Variants in SMTNL2 observed in about 807,000 individuals in gnomAD.
The protein encoded by SMTNL2 is smoothelin like 2.
A neutral mutation model predicts 44.1 loss-of-function variants in SMTNL2; 43 were observed. The observed-to-expected ratio is 0.98, with a 90% confidence interval of 0.76 to 1.26. The LOEUF (loss-of-function observed/expected upper bound fraction) is 1.26, where lower values mean the gene tolerates loss of function less well. Among genes scored for constraint, SMTNL2 ranks in the 50% most tolerant of loss-of-function variants. The pLI, the probability that SMTNL2 is intolerant of heterozygous loss-of-function variation, is 0.00. For synonymous variants in SMTNL2, 317 were observed against 287.6 expected (o/e 1.10, Z -1.03); for missense variants, 646 against 670.2 (o/e 0.96, Z 0.40).
At chr17:4,597,058 G>A (rs1435232584) in intron 6 of SMTNL2, 81 bp downstream of exon 6, 6 of 1,494,300 alleles carry the variant, frequency 4.0e-6, no homozygotes, top group African/African-American at 1.4e-5. Context: ...TTGTTCTCCC[G>A]CCTGGGCAGG....
chr17:4,589,284 C>T (rs189851321), intron 1 of SMTNL2, among the ~76,000 whole-genome samples: 2 of 152,296 alleles, frequency 1.3e-5, no homozygotes. Flanking sequence ...AAAATGGTTT[C>T]ACCCTCAGCC....
Position 4,584,828 on chromosome 17 carries a change from G to T in SMTNL2, c.223G>T (p.Glu75Ter). 1 of 1,327,454 alleles carries T rather than the reference G, an allele frequency of 7.5e-7. No individual in the cohort carries two copies. Among genetic ancestry groups the T allele is most frequent in the Admixed American group, 3.7e-5 (1 of 27,322 alleles). 82.2% of individuals were successfully genotyped at this position (1,327,454 alleles called of 1,614,324 possible). The change falls in exon 1 of 8, where the codon GAG becomes TAG. Residue 75 changes from glutamate (E) to a stop codon, truncating the protein, a stop_gained. Transcript: ENST00000389313. LOFTEE classifies it high-confidence loss of function. ...CAACCAGCGGCTGCAGGCGCAGCTC[G>T]AGCGCCTGACGCGCCAGGTGGAGGC... The part of the protein sequence containing the change: ...RDNQRLQAQL[E>*]RLTRQVEALG...
Position 4,607,243 on chromosome 17 carries a change from T to A in SMTNL2, c.1260-118T>A, listed in dbSNP as rs1910313775. Reference sequence around the variant, plus strand: ...TCTGAATTCCCCGCTGGTGGGTCCTTGGGAACCTCTGGCTGCCGGCTGAGC... The same window carrying A: ...TCTGAATTCCCCGCTGGTGGGTCCTAGGGAACCTCTGGCTGCCGGCTGAGC... On this transcript the variant is annotated intron_variant, in intron 7 of 7. Transcript: ENST00000389313. The surrounding 1 kb of genome is among the most constrained non-coding windows in gnomAD (Gnocchi z 4.7). 2 of 1,522,446 alleles carry A rather than the reference T, an allele frequency of 1.3e-6. No individual in the cohort carries two copies. The highest frequency in any genetic ancestry group is 4.5e-5 in the East Asian group (2 of 44,066). 94.3% of individuals were successfully genotyped at this position (1,522,446 alleles called of 1,614,324 possible).
chr17:4,607,417 G>T lies in SMTNL2; in HGVS notation c.1316G>T (p.Arg439Leu). The change falls in exon 8 of 8, where the codon CGC becomes CTC. Residue 439 changes from arginine (R) to leucine (L), a missense_variant. Arg to Leu is a moderately radical substitution (Grantham distance 102). Coordinates refer to ENST00000389313, the MANE Select transcript of SMTNL2 (RefSeq NM_001114974.2). This position sits in a 1 kb window ranked among gnomAD's most constrained non-coding sequence, Gnocchi z 4.7. ...GTGGAGGACATGATGGTGATGGGCC[G>T]CAAGCCGGACCCCATGTGTGTCTTC... ...IEVEDMMVMGRKPDPMCVFTY... is the reference protein window; with the variant it reads ...IEVEDMMVMGLKPDPMCVFTY... The T allele has an allele frequency of 2.5e-6, 4 of 1,614,208 alleles. No individual in the cohort carries two copies. The highest frequency in any genetic ancestry group is 2.2e-5 in the South Asian group (2 of 91,086).
rs1401549614 is a variant in SMTNL2, at chr17:4,592,431, G to C, written c.470G>C (p.Gly157Ala). ...KTSNSCIMEN[G>A]HQPGAGPGDG... ...TCAAACTCCTGCATCATGGAAAATG[G>C]GCACCAGCCGGGGGCAGGTAGGGCT... The change falls in exon 2 of 8, where the codon GGG becomes GCG. Residue 157 changes from glycine to alanine, a missense_variant. Transcript: ENST00000389313. The surrounding 1 kb of genome is among the most constrained non-coding windows in gnomAD (Gnocchi z 4.5). 1.2e-6 allele frequency: 2 copies of C among 1,613,118 alleles called. No homozygotes were observed. Among genetic ancestry groups the C allele is most frequent in the African/African-American group, 2.7e-5 (2 of 74,836 alleles).
chr17:4,592,906 C>T lies in SMTNL2; in HGVS notation c.488-23C>T. 1.3e-6 allele frequency: 2 copies of T among 1,597,808 alleles called. No homozygotes were observed. Among genetic ancestry groups the T allele is most frequent in the African/African-American group, 1.3e-5 (1 of 74,838 alleles). ...TGTGGCTGCCACAGCTGACCACCCA[C>T]CCATGCTGGTCACATGTTCCAGGTC... On this transcript the variant is annotated intron_variant, in intron 2 of 7. Coordinates refer to ENST00000389313, the MANE Select transcript of SMTNL2 (RefSeq NM_001114974.2). The surrounding 1 kb of genome is among the most constrained non-coding windows in gnomAD (Gnocchi z 4.5).
At chr17:4,585,509 G>A (rs959067199) in intron 1 of SMTNL2, among the ~76,000 whole-genome samples, 2 of 152,298 alleles carry the variant, frequency 1.3e-5, no homozygotes, top group South Asian at 2.1e-4. Context: ...AGGGGGACGC[G>A]ATCAGCAGCG....
chr17:4,596,557 T>C (rs1909823113), intron 5 of SMTNL2, among the ~76,000 whole-genome samples: 1 of 152,164 alleles, frequency 6.6e-6, no homozygotes, highest in Non-Finnish European at 1.5e-5. Flanking sequence ...AGGTCTTCTG[T>C]CTCAGGATTC....
In SMTNL2 at chr17:4,607,977, G is replaced by A. The variant is rs1292979772; in HGVS notation, c.*490G>A. On this transcript the variant is annotated 3_prime_UTR_variant, in exon 8 of 8. Transcript: ENST00000389313. This position sits in a 1 kb window ranked among gnomAD's most constrained non-coding sequence, Gnocchi z 4.7. ...AGGAAACAGAGAGACCGCTTAATCAGCAGCTTGACAAAGAAGACCTCAAGT... is the reference window on the plus strand; with the variant it reads ...AGGAAACAGAGAGACCGCTTAATCAACAGCTTGACAAAGAAGACCTCAAGT... 6.6e-6 allele frequency: 1 copy of A among 152,412 alleles called. No individual in the cohort carries two copies. Among genetic ancestry groups the A allele is most frequent in the East Asian group, 1.9e-4 (1 of 5,200 alleles). The allele number at this position is 152,412 out of a possible 1,614,324, so 9.4% of individuals were successfully genotyped here.
At chr17:4,591,879 G>C (rs1486652541) in intron 1 of SMTNL2, among the ~76,000 whole-genome samples, 1 of 152,200 alleles carries the variant, frequency 6.6e-6, no homozygotes, top group Non-Finnish European at 1.5e-5. Context: ...TTGTGTCCCC[G>C]CCTCCCATGC....
At position 4,592,917 on chromosome 17, in the gene SMTNL2, C is replaced by A. The variant is rs1366336331; in HGVS notation, c.488-12C>A. 6.2e-7 allele frequency: 1 copy of A among 1,605,058 alleles called. No individual in the cohort carries two copies. Among genetic ancestry groups the A allele is most frequent in the South Asian group, 1.1e-5 (1 of 90,256 alleles). On this transcript the variant is annotated splice_polypyrimidine_tract_variant and intron_variant, in intron 2 of 7. Transcript: ENST00000389313. This position sits in a 1 kb window ranked among gnomAD's most constrained non-coding sequence, Gnocchi z 4.5. Reference sequence around the variant, plus strand: ...CAGCTGACCACCCACCCATGCTGGTCACATGTTCCAGGTCCAGGCGATGGA... The same window carrying A: ...CAGCTGACCACCCACCCATGCTGGTAACATGTTCCAGGTCCAGGCGATGGA...
At chr17:4,605,189 T>C (rs1028071855) in intron 7 of SMTNL2, among the ~76,000 whole-genome samples, 26 of 101,102 alleles carry the variant, frequency 2.6e-4, no homozygotes, top group Admixed American at 5.4e-4. Flanking sequence ...TGAGGCAGGG[T>C]CTGGCTCTGT....
rs1174503887 is a variant in SMTNL2, at chr17:4,606,750, C to CA, written c.1260-601dup. Among the ~76,000 whole-genome samples the CA allele has an allele frequency of 3.6e-3, 539 of 147,688 alleles. 2 individuals carry two copies. The highest frequency in any genetic ancestry group is 0.012 in the African/African-American group (483 of 40,384). ...TGAAACCTTGTCTCTACTAAAAATA[C>CA]AAAAAAAAAATTAGCCAGGCGTGGT... On this transcript the variant is annotated intron_variant, in intron 7 of 7. Coordinates refer to ENST00000389313, the MANE Select transcript of SMTNL2 (RefSeq NM_001114974.2).
rs116570077 is a variant in SMTNL2, at chr17:4,601,813, C to T, written c.1259+4490C>T. 2.6e-3 allele frequency among the ~76,000 whole-genome samples: 398 copies of T among 152,212 alleles called. 1 individual carries two copies. The highest frequency in any genetic ancestry group is 9.0e-3 in the African/African-American group (372 of 41,530). On this transcript the variant is annotated intron_variant, in intron 7 of 7. Transcript: ENST00000389313. ...GGGATTACAGGCATGAACCACCGCA[C>T]TTGGCCTGTTTGAATCATTAAAACA...
intron 1 of SMTNL2, among the ~76,000 whole-genome samples, chr17:4,589,406 T>G (rs1411181555): frequency 1.3e-5 from 2 of 152,086 alleles, no homozygotes; most frequent in Non-Finnish European, 2.9e-5. Context: ...GGGTTCCAGC[T>G]GGACTGGCTG....
At position 4,598,232 on chromosome 17, in the gene SMTNL2, C is replaced by T. The variant is rs139118729; in HGVS notation, c.1259+909C>T. 3.6e-3 allele frequency among the ~76,000 whole-genome samples: 554 copies of T among 152,270 alleles called. 2 individuals carry two copies. Among genetic ancestry groups the T allele is most frequent in the Middle Eastern group, 0.01 (3 of 294 alleles). ...ATAAGTGTCCCAACCTCATTCCCCT[C>T]CTGCCTCACGCCAGGGCCTCATGGT... is the stretch of plus-strand genomic sequence containing the variant. On this transcript the variant is annotated intron_variant, in intron 7 of 7. Coordinates refer to ENST00000389313, the MANE Select transcript of SMTNL2 (RefSeq NM_001114974.2). This position sits in a 1 kb window ranked among gnomAD's most constrained non-coding sequence, Gnocchi z 4.8.
chr17:4,601,868 T>C (rs1045519447), intron 7 of SMTNL2, among the ~76,000 whole-genome samples: 2 of 151,986 alleles, frequency 1.3e-5, no homozygotes, highest in African/African-American at 4.8e-5. Context: ...AAAGCAGTTG[T>C]TGTTTTTTTT....
intron 7 of SMTNL2, among the ~76,000 whole-genome samples, chr17:4,602,694 G>A (rs1165433614): frequency 6.6e-6 from 1 of 152,180 alleles, no homozygotes; most frequent in Non-Finnish European, 1.5e-5. Flanking sequence ...CTGACCTCAG[G>A]TGATCCGTGG....
rs778763436 is a variant in SMTNL2 at position 4,607,376 on chromosome 17, T to C, written c.1275T>C (p.Cys425=). 4 of 1,614,072 alleles carry C rather than the reference T, an allele frequency of 2.5e-6. No individual in the cohort carries two copies. Among genetic ancestry groups the C allele is most frequent in the Non-Finnish European group, 3.4e-6 (4 of 1,179,978 alleles). ...TGTGTTTCAGGAATCTGGCCAACTGTGAGCGCCTCATCGAAGTGGAGGACA... is the reference window on the plus strand; with the variant it reads ...TGTGTTTCAGGAATCTGGCCAACTGCGAGCGCCTCATCGAAGTGGAGGACA... ...AFTMAENLAN[C]ERLIEVEDMM... is the part of the protein sequence containing the mutation. The change falls in exon 8 of 8, where the codon TGT becomes TGC. Residue 425 remains cysteine (C), a synonymous_variant. Coordinates refer to ENST00000389313, the MANE Select transcript of SMTNL2 (RefSeq NM_001114974.2). The surrounding 1 kb of genome is among the most constrained non-coding windows in gnomAD (Gnocchi z 4.7).
Sources: gnomAD v4.1 joint callset for allele counts (sites outside exome capture counted in the v4.1 genomes callset) on GRCh38, gnomAD v4.1.1 for gene constraint, Gnocchi (gnomAD v3.1) non-coding constraint, MANE v1.5 for transcripts, NCBI Gene and HGNC (gene_info 2026-07-23, HGNC 2026-07-21) for gene names.